RASEF: variants seen among roughly 807,000 people sequenced by gnomAD.
RASEF encodes RAS and EF-hand domain containing.
RASEF carries 68 observed loss-of-function variants against 90.1 expected under a neutral mutation model. The observed-to-expected ratio is 0.75, with a 90% CI of 0.62 to 0.92. The LOEUF (loss-of-function observed/expected upper bound fraction) is 0.92, where lower values mean the gene tolerates loss of function less well. Among genes scored for constraint, RASEF ranks in the 40% least tolerant of loss-of-function variants. RASEF has a pLI of 0.00. For missense variants in RASEF, 949 were observed against 937.2 expected, an observed-to-expected ratio of 1.01 and a Z score of -0.16; for synonymous variants, 331 against 345.2, an observed-to-expected ratio of 0.96 and a Z score of 0.46.
chr9:83,216,502 G>A, the RASEF span, among the ~76,000 whole-genome samples: 8 of 152,270 alleles, frequency 5.3e-5, no homozygotes, highest in East Asian at 7.7e-4. Flanking sequence ...TTGAGCCTGC[G>A]GGTACACAAA....
chr9:83,134,019 G>C, the RASEF span, among the ~76,000 whole-genome samples: 1 of 152,088 alleles, frequency 6.6e-6, no homozygotes, highest in Non-Finnish European at 1.5e-5. Context: ...TTCTGCACTA[G>C]TCCAAATTAT....
chr9:83,049,041 T>A (rs1829986285), intron 1 of RASEF, among the ~76,000 whole-genome samples: 1 of 151,726 alleles, frequency 6.6e-6, no homozygotes, highest in Admixed American at 6.6e-5. Flanking sequence ...GGAGAATTGC[T>A]TGAACCCGGG....
chr9:83,163,679 G>C, the RASEF span, among the ~76,000 whole-genome samples: 1 of 151,998 alleles, frequency 6.6e-6, no homozygotes, highest in Non-Finnish European at 1.5e-5. Flanking sequence ...ACATCAAAGA[G>C]AAAACATACC....
rs72740872 is a variant in RASEF at position 83,058,790 on chromosome 9, A to G, written c.431+3647T>C. ...GGTAAGCCGTTTTGCCAATCTCTAT[A>G]CAATTCACATATGGAAAGTTTTGGT... On this transcript the variant is annotated intron_variant, in intron 1 of 16. Transcript: ENST00000376447. Among the ~76,000 whole-genome samples the G allele has an allele frequency of 3.0e-3, 462 of 152,300 alleles. 1 individual carries two copies. The highest frequency in any genetic ancestry group is 5.5e-3 in the Non-Finnish European group (372 of 68,014).
the RASEF span, among the ~76,000 whole-genome samples, chr9:83,131,346 G>A: frequency 1.3e-5 from 2 of 152,176 alleles, no homozygotes; most frequent in African/African-American, 4.8e-5. Context: ...AGAAGAGGAG[G>A]GGTATTGTTG....
chr9:83,205,120 A>G, the RASEF span, among the ~76,000 whole-genome samples: 1 of 152,230 alleles, frequency 6.6e-6, no homozygotes, highest in Non-Finnish European at 1.5e-5. Flanking sequence ...GAAACACAAA[A>G]CAAAGTTGAT....
At chr9:83,090,368 T>C in the RASEF span, among the ~76,000 whole-genome samples, 4 of 152,276 alleles carry the variant, frequency 2.6e-5, no homozygotes, top group East Asian at 1.9e-4. Flanking sequence ...TTTATTGTTT[T>C]ATTGACTGCT....
At chr9:83,197,735 AT>A in the RASEF span, among the ~76,000 whole-genome samples, 1 of 152,120 alleles carries the variant, frequency 6.6e-6, no homozygotes, top group Non-Finnish European at 1.5e-5. Context: ...TGGATTTTAC[AT>A]TTTAATTGGG....
At chr9:82,998,540 T>C in intron 12 of RASEF, 94 bp from the exon 13 acceptor site, 1 of 787,396 alleles carries the variant, frequency 1.3e-6, no homozygotes, top group South Asian at 1.5e-5. Flanking sequence ...AAGCCAATAA[T>C]ACACAGCTCA....
At chr9:83,162,838 G>T in the RASEF span, among the ~76,000 whole-genome samples, 1 of 152,110 alleles carries the variant, frequency 6.6e-6, no homozygotes, top group Non-Finnish European at 1.5e-5. Context: ...ACAAGGCTGA[G>T]GATTAAAAAT....
chr9:82,999,388 C>G (rs986165696), intron 12 of RASEF, among the ~76,000 whole-genome samples: 4 of 152,034 alleles, frequency 2.6e-5, no homozygotes, highest in African/African-American at 9.7e-5. Flanking sequence ...TGCGTAAAAC[C>G]GCACCTCTCC....
the RASEF span, among the ~76,000 whole-genome samples, chr9:83,163,040 CTATT>C: frequency 6.6e-6 from 1 of 152,206 alleles, no homozygotes; most frequent in African/African-American, 2.4e-5. Context: ...ACAGGAGAAA[CTATT>C]TAACCAGAAC....
At chr9:83,204,188 G>GT in the RASEF span, among the ~76,000 whole-genome samples, 1 of 152,078 alleles carries the variant, frequency 6.6e-6, no homozygotes, top group Non-Finnish European at 1.5e-5. Flanking sequence ...AGAGGAAGGA[G>GT]TAAGAGGCCT....
At chr9:83,056,339 A>G (rs913443258) in intron 1 of RASEF, among the ~76,000 whole-genome samples, 17 of 152,214 alleles carry the variant, frequency 1.1e-4, no homozygotes, top group Admixed American at 2.0e-4. Context: ...ACAACCTCAT[A>G]TGAGACTAAT....
chr9:83,063,040 A>T lies in RASEF; in HGVS notation c.-173T>A. The T allele has an allele frequency of 1.5e-6, 1 of 671,222 alleles. No homozygotes were observed. The highest frequency in any genetic ancestry group is 2.3e-6 in the Non-Finnish European group (1 of 441,356). 41.6% of individuals were successfully genotyped at this position (671,222 alleles called of 1,614,324 possible). ...GGGCGAGGAACGTCGGGGGTGGCCG[A>T]GCGGCTCCCTTCGACGACGGTTCGG... On this transcript the variant is annotated 5_prime_UTR_variant, in exon 1 of 17. Coordinates refer to ENST00000376447, the MANE Select transcript of RASEF (RefSeq NM_152573.4).
At chr9:83,191,635 C>T in the RASEF span, among the ~76,000 whole-genome samples, 4 of 152,250 alleles carry the variant, frequency 2.6e-5, no homozygotes, top group African/African-American at 9.6e-5. Context: ...CCACACCAAC[C>T]CTTGGAGAAA....
chr9:83,062,126 G>C lies in RASEF; in HGVS notation c.431+311C>G, dbSNP rs531216896. Among the ~76,000 whole-genome samples, 6 of 152,332 alleles carry C rather than the reference G, an allele frequency of 3.9e-5. No individual in the cohort carries two copies. The East Asian group carries it at 1.2e-3, about 30-fold the overall frequency. ...CGTAACCAGGACGCGGTGAGATGTGGCGCGCGCGCCTAAACTCGCGCGGGG... is the reference window on the plus strand; with the variant it reads ...CGTAACCAGGACGCGGTGAGATGTGCCGCGCGCGCCTAAACTCGCGCGGGG... On this transcript the variant is annotated intron_variant, in intron 1 of 16. Coordinates refer to ENST00000376447, the MANE Select transcript of RASEF (RefSeq NM_152573.4).
the RASEF span, among the ~76,000 whole-genome samples, chr9:83,189,811 C>T: frequency 1.3e-5 from 2 of 152,140 alleles, no homozygotes; most frequent in Non-Finnish European, 2.9e-5. Context: ...CAGCCTGTCC[C>T]TTTGTTTCTC....
Position 82,982,827 on chromosome 9 carries a change from G to A in RASEF, c.2118-45C>T, listed in dbSNP as rs750027727. 6 of 1,121,558 alleles carry A rather than the reference G, an allele frequency of 5.3e-6. No homozygotes were observed. In the South Asian group the frequency reaches 7.4e-5, roughly 14 times the overall value. The allele number at this position is 1,121,558 out of a possible 1,614,324, so 69.5% of individuals were successfully genotyped here. Reference sequence around the variant, plus strand: ...AGACAGAGAGAGAGAGAGAGAGAGAGAGAGAGGATTACTGAGGTATAAAAA... The same window carrying A: ...AGACAGAGAGAGAGAGAGAGAGAGAAAGAGAGGATTACTGAGGTATAAAAA... On this transcript the variant is annotated intron_variant, in intron 16 of 16. Coordinates refer to ENST00000376447, the MANE Select transcript of RASEF (RefSeq NM_152573.4).
Sources: allele counts gnomAD v4.1 joint callset (sites outside exome capture counted in the v4.1 genomes callset), GRCh38; gene constraint gnomAD v4.1.1; transcripts MANE v1.5; gene names NCBI Gene and HGNC (gene_info 2026-07-23, HGNC 2026-07-21).